Variants in PHF14 observed in about 807,000 individuals in gnomAD.
PHF14 encodes PHD finger protein 14.
In PHF14, 55 loss-of-function variants were observed where a neutral mutation model predicts 117.9. The ratio of observed to expected loss-of-function variants is 0.47; its 90% confidence interval spans 0.38 to 0.58. The LOEUF is 0.58. PHF14 is among the 20% of genes least tolerant of loss of function. The pLI is 0.00. For missense variants in PHF14, 978 were observed against 1,122.2 expected, an observed-to-expected ratio of 0.87 and a Z score of 1.84; for synonymous variants, 409 against 368.6, an observed-to-expected ratio of 1.11 and a Z score of -1.26.
intron 17 of PHF14, among the ~76,000 whole-genome samples, chr7:11,148,722 A>C (rs113841394): frequency 3.3e-5 from 5 of 152,366 alleles, no homozygotes; most frequent in African/African-American, 9.6e-5. Flanking sequence ...GTAGGTTAAT[A>C]GACAAACATT....
intron 5 of PHF14, among the ~76,000 whole-genome samples, chr7:11,021,449 G>T (rs1236644926): frequency 6.6e-6 from 1 of 152,140 alleles, no homozygotes. Context: ...TTTTAATGAG[G>T]ACTCAAGTTG....
At chr7:11,077,390 C>G (rs895139226) in intron 16 of PHF14, among the ~76,000 whole-genome samples, 1 of 151,440 alleles carries the variant, frequency 6.6e-6, no homozygotes, top group Non-Finnish European at 1.5e-5. Flanking sequence ...ATCACAAGGT[C>G]AAGAGATGAA....
intron 17 of PHF14, among the ~76,000 whole-genome samples, chr7:11,153,540 T>C (rs149603390): frequency 4.8e-4 from 73 of 152,184 alleles, no homozygotes; most frequent in Non-Finnish European, 7.4e-4. Context: ...GCTGAAGATA[T>C]AAATGGGAAA....
At chr7:11,022,268 A>G (rs1041394067) in intron 5 of PHF14, among the ~76,000 whole-genome samples, 5 of 152,170 alleles carry the variant, frequency 3.3e-5, no homozygotes, top group African/African-American at 1.2e-4. Flanking sequence ...TGGTAAACAG[A>G]TAAGATGAAT....
chr7:10,988,629 A>T (rs1001351934), intron 3 of PHF14, among the ~76,000 whole-genome samples: 14 of 144,796 alleles, frequency 9.7e-5, no homozygotes, highest in African/African-American at 3.6e-4. Flanking sequence ...AGTAGTGCTC[A>T]TTGGAGCTTG....
chr7:11,082,533 A>C (rs1021908012), intron 16 of PHF14, among the ~76,000 whole-genome samples: 2 of 152,180 alleles, frequency 1.3e-5, no homozygotes, highest in Non-Finnish European at 2.9e-5. Context: ...CTTGTTATTC[A>C]ATCATTTATG....
intron 4 of PHF14, among the ~76,000 whole-genome samples, chr7:11,000,964 G>A (rs1010283357): frequency 3.3e-5 from 5 of 151,508 alleles, no homozygotes; most frequent in Admixed American, 2.6e-4. Flanking sequence ...ATTTTCTCCC[G>A]TGTTATTTTC....
intron 2 of PHF14, among the ~76,000 whole-genome samples, chr7:10,977,668 A>G (rs1384970936): frequency 1.3e-5 from 2 of 152,184 alleles, no homozygotes; most frequent in African/African-American, 4.8e-5. Context: ...TTTGATTGAA[A>G]GCAGTCAATA....
At chr7:11,142,642 T>A (rs1240079734) in intron 17 of PHF14, among the ~76,000 whole-genome samples, 2 of 152,096 alleles carry the variant, frequency 1.3e-5, no homozygotes, top group Non-Finnish European at 2.9e-5. Context: ...CCTATCATCA[T>A]CATAAACTTT....
At chr7:11,027,341 CTA>C (rs1783956507) in intron 6 of PHF14, among the ~76,000 whole-genome samples, 1 of 152,082 alleles carries the variant, frequency 6.6e-6, no homozygotes, top group African/African-American at 2.4e-5. Context: ...CAGGATTTGA[CTA>C]TTGAAGTTTT....
intron 4 of PHF14, chr7:11,006,391 G>T: frequency 3.9e-6 from 2 of 513,116 alleles, no homozygotes; most frequent in South Asian, 2.9e-5. Flanking sequence ...TAGCCAGCTG[G>T]ACTCAGTTTA....
chr7:11,005,614 C>T (rs1239255489), intron 4 of PHF14, among the ~76,000 whole-genome samples: 1 of 152,100 alleles, frequency 6.6e-6, no homozygotes, highest in East Asian at 1.9e-4. Context: ...TAATTCTTCT[C>T]ATGTCAGTGT....
chr7:10,978,458 A>G (rs369124427), intron 2 of PHF14, among the ~76,000 whole-genome samples: 1 of 152,212 alleles, frequency 6.6e-6, no homozygotes, highest in Non-Finnish European at 1.5e-5. Flanking sequence ...ATAAACAGCA[A>G]TCTTGGTGAG....
At chr7:11,078,268 C>A (rs1199032963) in intron 16 of PHF14, among the ~76,000 whole-genome samples, 1 of 152,026 alleles carries the variant, frequency 6.6e-6, no homozygotes, top group Non-Finnish European at 1.5e-5. Context: ...GGATGATTAT[C>A]CTGCCTCTTT....
chr7:11,021,519 G>C (rs1403508353), intron 5 of PHF14, among the ~76,000 whole-genome samples: 1 of 152,140 alleles, frequency 6.6e-6, no homozygotes, highest in Non-Finnish European at 1.5e-5. Context: ...CATTGAAATG[G>C]CAGTTTAAAT....
At chr7:11,063,385 C>A in intron 16 of PHF14, 4 of 978,760 alleles carry the variant, frequency 4.1e-6, no homozygotes, top group Non-Finnish European at 4.8e-6. Flanking sequence ...CAAGCATAAG[C>A]GTAACATAAT....
intron 14 of PHF14, among the ~76,000 whole-genome samples, chr7:11,053,256 A>AT (rs1317845943): frequency 6.6e-6 from 1 of 152,080 alleles, no homozygotes; most frequent in Non-Finnish European, 1.5e-5. Flanking sequence ...ATTCAGCTTG[A>AT]TTTTTTAAAT....
intron 17 of PHF14, among the ~76,000 whole-genome samples, chr7:11,145,291 C>G (rs1482326559): frequency 2.8e-4 from 1 of 3,518 alleles, no homozygotes; most frequent in Non-Finnish European, 4.8e-4. Context: ...CTCTCTTTTT[C>G]TCTCTTTTTT....
chr7:11,071,513 A>G (rs1583435270), intron 16 of PHF14, among the ~76,000 whole-genome samples: 1 of 152,132 alleles, frequency 6.6e-6, no homozygotes, highest in East Asian at 1.9e-4. Flanking sequence ...TTAAAAAACA[A>G]CTCTAGTGGT....
Sources: allele counts gnomAD v4.1 joint callset (sites outside exome capture counted in the v4.1 genomes callset), GRCh38; gene constraint gnomAD v4.1.1; transcripts MANE v1.5; gene names NCBI Gene and HGNC (gene_info 2026-07-23, HGNC 2026-07-21).